Variants in SERINC5 observed in about 807,000 individuals in gnomAD.
The protein encoded by SERINC5 is serine incorporator 5, also known as chromosome 5 open reading frame 12.
In SERINC5, 41 loss-of-function variants were observed where a neutral mutation model predicts 63.1. The observed-to-expected ratio is 0.65, with a 90% CI of 0.51 to 0.84. SERINC5 has a LOEUF of 0.84. SERINC5 is among the 40% of genes least tolerant of loss of function. The probability of loss-of-function intolerance (pLI) is 0.00; values close to 1 mark genes in which losing one functional copy is unlikely to be tolerated. For synonymous variants in SERINC5, 222 were observed against 215.2 expected, an observed-to-expected ratio of 1.03 and a Z score of -0.28; for missense variants, 523 against 573.0, an observed-to-expected ratio of 0.91 and a Z score of 0.89.
chr5:80,124,673 G>A (rs572130910), intron 11 of SERINC5, among the ~76,000 whole-genome samples: 2 of 152,228 alleles, frequency 1.3e-5, no homozygotes, highest in South Asian at 4.1e-4. Flanking sequence ...CTTGCAAACC[G>A]GGTTCTCTGG....
At chr5:80,213,250 A>G (rs1750518433) in intron 1 of SERINC5, among the ~76,000 whole-genome samples, 1 of 151,908 alleles carries the variant, frequency 6.6e-6, no homozygotes, top group Non-Finnish European at 1.5e-5. Context: ...CATCTCAAAG[A>G]AAGAAAAAAG....
intron 5 of SERINC5, among the ~76,000 whole-genome samples, chr5:80,169,960 G>A (rs570621184): frequency 2.0e-5 from 3 of 152,288 alleles, no homozygotes; most frequent in South Asian, 2.1e-4. Flanking sequence ...CTCCCAAAGA[G>A]GTTGCAGAAG....
intron 2 of SERINC5, among the ~76,000 whole-genome samples, chr5:80,192,816 A>C (rs1749271541): frequency 6.6e-6 from 1 of 152,200 alleles, no homozygotes; most frequent in Admixed American, 6.5e-5. Context: ...CCTCCCAGGC[A>C]CCTCAGCTCT....
chr5:80,216,661 G>C (rs1044350447), intron 1 of SERINC5, among the ~76,000 whole-genome samples: 1 of 152,184 alleles, frequency 6.6e-6, no homozygotes, highest in Non-Finnish European at 1.5e-5. Flanking sequence ...AAACGGAGAA[G>C]TGTAGGAGAC....
At chr5:80,196,050 G>A (rs575646323) in intron 2 of SERINC5, among the ~76,000 whole-genome samples, 5 of 152,284 alleles carry the variant, frequency 3.3e-5, no homozygotes, top group South Asian at 4.2e-4. Flanking sequence ...CCAAATCACC[G>A]TGACTGACTG....
chr5:80,226,121 C>T (rs908423070), intron 1 of SERINC5, among the ~76,000 whole-genome samples: 6 of 152,004 alleles, frequency 3.9e-5, no homozygotes, highest in Admixed American at 1.3e-4. Context: ...TGCGGTAGCA[C>T]GATCTCAGCT....
In SERINC5 at chr5:80,139,612, A is replaced by C; in HGVS notation, c.*4051T>G. 5.1e-6 allele frequency: 2 copies of C among 392,294 alleles called. No individual in the cohort carries two copies. The highest frequency in any genetic ancestry group is 1.1e-4 in the African/African-American group (2 of 18,724). 24.3% of individuals were successfully genotyped at this position (392,294 alleles called of 1,614,324 possible). On this transcript the variant is annotated 3_prime_UTR_variant, in exon 12 of 12. Coordinates refer to ENST00000507668, the MANE Select transcript of SERINC5 (RefSeq NM_001174072.3). ...AAAGAAGAAAAGAGAGAGAGAGAGA[A>C]AGGTCTAAACATCTGTGTGAACAGC...
intron 11 of SERINC5, among the ~76,000 whole-genome samples, chr5:80,126,987 CA>C (rs1378756401): frequency 2.0e-5 from 3 of 152,088 alleles, no homozygotes; most frequent in African/African-American, 7.2e-5. Context: ...TTAAAATCAC[CA>C]TAATTCCAAC....
chr5:80,143,957 C>A, intron 11 of SERINC5, 147 bp from the exon 12 acceptor site: 1 of 935,450 alleles, frequency 1.1e-6, no homozygotes, highest in Non-Finnish European at 1.6e-6. Flanking sequence ...TACCCATTTC[C>A]AAACATTCTC....
chr5:80,210,423 G>A (rs1750380944), intron 1 of SERINC5, among the ~76,000 whole-genome samples: 1 of 152,108 alleles, frequency 6.6e-6, no homozygotes, highest in African/African-American at 2.4e-5. Context: ...CTCCCTCTCT[G>A]TCCTCCGCAC....
chr5:80,250,808 C>A (rs1397763924), intron 1 of SERINC5, among the ~76,000 whole-genome samples: 1 of 152,166 alleles, frequency 6.6e-6, no homozygotes, highest in African/African-American at 2.4e-5. Flanking sequence ...GCATTTACAG[C>A]GACCAACCCT....
Position 80,142,882 on chromosome 5 carries a change from A to C in SERINC5, c.*781T>G, listed in dbSNP as rs4703803. 294,184 of 984,856 alleles carry C rather than the reference A, an allele frequency of 0.3. 45,624 individuals are homozygous for C. Among genetic ancestry groups the C allele is most frequent in the Admixed American group, 0.35 (5,705 of 16,268 alleles). 61.0% of individuals were successfully genotyped at this position (984,856 alleles called of 1,614,324 possible). A position where few individuals can be genotyped will look rare whatever the true frequency, so the allele number is the denominator to read the frequency against. ...TGAATCTTGTTCTATAATCATGTGA[A>C]TAACACCATAAATAAGCGCCGTACT... is the stretch of plus-strand genomic sequence containing the variant. On this transcript the variant is annotated 3_prime_UTR_variant, in exon 12 of 12. Transcript: ENST00000507668.
chr5:80,147,195 ATAG>A, intron 10 of SERINC5, 47 bp downstream of exon 10: 1 of 1,506,832 alleles, frequency 6.6e-7, no homozygotes, highest in South Asian at 1.2e-5. Flanking sequence ...GATTAGAGTT[ATAG>A]GTCTGCAGTG....
chr5:80,180,650 A>G (rs1417598322), intron 2 of SERINC5, among the ~76,000 whole-genome samples: 1 of 152,206 alleles, frequency 6.6e-6, no homozygotes, highest in Non-Finnish European at 1.5e-5. Flanking sequence ...CATGCAGGAA[A>G]AGGGGGCAGG....
intron 1 of SERINC5, among the ~76,000 whole-genome samples, chr5:80,240,915 C>T (rs1246398843): frequency 6.6e-6 from 1 of 152,116 alleles, no homozygotes. Context: ...TCAAGTGATC[C>T]GCCCACCTCA....
chr5:80,127,108 A>G (rs1261409953), intron 11 of SERINC5, among the ~76,000 whole-genome samples: 1 of 152,164 alleles, frequency 6.6e-6, no homozygotes, highest in Non-Finnish European at 1.5e-5. Flanking sequence ...ATTCCCCATT[A>G]CAGTAGATTT....
intron 5 of SERINC5, 69 bp downstream of exon 5, chr5:80,174,885 G>T: frequency 9.6e-7 from 1 of 1,045,080 alleles, no homozygotes; most frequent in South Asian, 1.5e-5. Flanking sequence ...CAATGCAGTT[G>T]AGTACAGCCT....
chr5:80,177,848 A>G (rs1353123826), intron 3 of SERINC5, 38 bp downstream of exon 3: 2 of 1,518,896 alleles, frequency 1.3e-6, no homozygotes, highest in Non-Finnish European at 1.8e-6. Context: ...GAACATAAGA[A>G]AGGAGAAAGC....
intron 11 of SERINC5, among the ~76,000 whole-genome samples, chr5:80,127,142 C>T (rs752435343): frequency 2.0e-4 from 31 of 152,134 alleles, no homozygotes; most frequent in South Asian, 8.3e-4. Flanking sequence ...ATTTGCTGCC[C>T]CACCCTGGGG....
Sources: gnomAD v4.1 joint callset for allele counts (sites outside exome capture counted in the v4.1 genomes callset) on GRCh38, gnomAD v4.1.1 for gene constraint, MANE v1.5 for transcripts, NCBI Gene and HGNC (gene_info 2026-07-23, HGNC 2026-07-21) for gene names.